Variants in IMPG1 observed in about 807,000 individuals in gnomAD.
IMPG1 encodes interphotoreceptor matrix proteoglycan of 150 kDa.
Under a neutral mutation model 92.0 loss-of-function variants are expected in IMPG1, and 85 were observed. That is an observed-to-expected ratio of 0.92 (90% confidence interval 0.78 to 1.11). The LOEUF (loss-of-function observed/expected upper bound fraction) is 1.11, where lower values mean the gene tolerates loss of function less well. Ranked by LOEUF, IMPG1 falls within the 50% of genes least tolerant of loss-of-function variation. The pLI is 0.00. For synonymous variants in IMPG1, 367 were observed against 334.1 expected, an observed-to-expected ratio of 1.10 and a Z score of -1.08; for missense variants, 1,022 against 956.0, an observed-to-expected ratio of 1.07 and a Z score of -0.91.
chr6:76,026,160 T>C (rs538609965), intron 4 of IMPG1, among the ~76,000 whole-genome samples: 6 of 152,164 alleles, frequency 3.9e-5, no homozygotes, highest in Non-Finnish European at 8.8e-5. Context: ...AGAGTCCCTA[T>C]TTTCCCCTTT....
At position 75,980,341 on chromosome 6, in the gene IMPG1, G is replaced by A. The variant is rs13218405; in HGVS notation, c.1291+22577C>T. Among the ~76,000 whole-genome samples the A allele has an allele frequency of 4.9e-3, 749 of 152,326 alleles. 10 individuals are homozygous for A. Among genetic ancestry groups the A allele is most frequent in the Middle Eastern group, 3.4e-3 (1 of 294 alleles). ...AAATGGCGTGTGCAAACACATGGAA[G>A]ACAGTAGGATATTAATAATATACAG... On this transcript the variant is annotated intron_variant, in intron 12 of 16. Coordinates refer to ENST00000369950, the MANE Select transcript of IMPG1 (RefSeq NM_001563.4).
rs371361445 is a variant in IMPG1, at chr6:76,025,322, T to C, written c.498-64A>G. 40 of 864,268 alleles carry C rather than the reference T, an allele frequency of 4.6e-5. No individual in the cohort carries two copies. In the African/African-American group the frequency reaches 5.1e-4, roughly 11 times the overall value. The allele number at this position is 864,268 out of a possible 1,614,324, so 53.5% of individuals were successfully genotyped here. A position where few individuals can be genotyped will look rare whatever the true frequency, so the allele number is the denominator to read the frequency against. On this transcript the variant is annotated intron_variant, in intron 4 of 16. Coordinates refer to ENST00000369950, the MANE Select transcript of IMPG1 (RefSeq NM_001563.4). ...GAGAACTTGATGACAGTAGAGAACA[T>C]ACATTTAAATTTCTTATACTGAGTA...
chr6:76,032,405 G>C (rs1000159384), intron 4 of IMPG1, among the ~76,000 whole-genome samples: 2 of 152,074 alleles, frequency 1.3e-5, no homozygotes, highest in Non-Finnish European at 2.9e-5. Context: ...TAATACTCTA[G>C]TACTAAGATT....
At chr6:75,998,718 G>C (rs542991633) in intron 12 of IMPG1, among the ~76,000 whole-genome samples, 1 of 152,100 alleles carries the variant, frequency 6.6e-6, no homozygotes, top group Admixed American at 6.6e-5. Flanking sequence ...ATGTATTGCC[G>C]CCTACACGTC....
intron 12 of IMPG1, among the ~76,000 whole-genome samples, chr6:75,954,760 G>A (rs547787802): frequency 6.6e-6 from 1 of 152,260 alleles, no homozygotes; most frequent in East Asian, 1.9e-4. Flanking sequence ...TTACATTTAA[G>A]TCTTTAATCC....
intron 1 of IMPG1, among the ~76,000 whole-genome samples, chr6:76,069,123 A>G (rs1264970052): frequency 1.3e-5 from 2 of 152,186 alleles, no homozygotes; most frequent in Non-Finnish European, 2.9e-5. Context: ...ACACTGGGGA[A>G]AGAAGACACT....
chr6:76,057,362 A>T (rs1784137023), intron 1 of IMPG1, among the ~76,000 whole-genome samples: 1 of 152,172 alleles, frequency 6.6e-6, no homozygotes. Flanking sequence ...GTGATGAGGC[A>T]TGTAGCAGTG....
intron 12 of IMPG1, among the ~76,000 whole-genome samples, chr6:75,975,373 G>C (rs1398076107): frequency 6.6e-6 from 1 of 152,172 alleles, no homozygotes; most frequent in Non-Finnish European, 1.5e-5. Flanking sequence ...ATGTAGTTTA[G>C]TTTGTCTCCG....
At chr6:75,976,618 A>C (rs1782538822) in intron 12 of IMPG1, among the ~76,000 whole-genome samples, 1 of 152,140 alleles carries the variant, frequency 6.6e-6, no homozygotes, top group South Asian at 2.1e-4. Flanking sequence ...CTGAGTGAAT[A>C]TTAGAATCCT....
At chr6:76,027,277 T>C (rs547461728) in intron 4 of IMPG1, among the ~76,000 whole-genome samples, 5 of 152,358 alleles carry the variant, frequency 3.3e-5, no homozygotes, top group Admixed American at 2.6e-4. Context: ...TTTTGAGAAC[T>C]GTCTGTCTTG....
intron 14 of IMPG1, among the ~76,000 whole-genome samples, chr6:75,941,820 C>G (rs1344992085): frequency 6.6e-6 from 1 of 152,192 alleles, no homozygotes; most frequent in Admixed American, 6.5e-5. Context: ...GTCATCCTAC[C>G]AATTCCCTTA....
At chr6:76,005,058 C>T (rs1220870686) in intron 10 of IMPG1, among the ~76,000 whole-genome samples, 2 of 152,134 alleles carry the variant, frequency 1.3e-5, no homozygotes, top group Non-Finnish European at 2.9e-5. Flanking sequence ...GAACTGAAAC[C>T]TTTGGATTCT....
chr6:75,931,158 G>T lies in IMPG1; in HGVS notation c.2045-7C>A. 6.2e-7 allele frequency: 1 copy of T among 1,607,228 alleles called. No homozygotes were observed. Among genetic ancestry groups the T allele is most frequent in the South Asian group, 1.1e-5 (1 of 89,984 alleles). ...CAGGGATCTGCTTGATCAGCTGTAA[G>T]AAATGGGGCAGATTTTAACGCATGT... is the stretch of plus-strand genomic sequence containing the variant. On this transcript the variant is annotated splice_polypyrimidine_tract_variant and splice_region_variant and intron_variant, in intron 14 of 16. Transcript: ENST00000369950.
chr6:75,966,353 G>A (rs1782307492), intron 12 of IMPG1, among the ~76,000 whole-genome samples: 2 of 152,042 alleles, frequency 1.3e-5, no homozygotes, highest in Admixed American at 1.3e-4. Flanking sequence ...TTGTTATTGT[G>A]GCAGTATTTA....
chr6:76,061,156 C>T (rs1175224141), intron 1 of IMPG1, among the ~76,000 whole-genome samples: 1 of 152,102 alleles, frequency 6.6e-6, no homozygotes, highest in Non-Finnish European at 1.5e-5. Flanking sequence ...TGACACAAGC[C>T]TAAAGGGGCC....
chr6:76,066,804 A>G (rs902923923), intron 1 of IMPG1, among the ~76,000 whole-genome samples: 3 of 152,178 alleles, frequency 2.0e-5, no homozygotes, highest in African/African-American at 7.2e-5. Flanking sequence ...GTCAGACCAC[A>G]AAACAAGAAT....
At chr6:76,035,511 AAAAAAAAAAAAAAG>A (rs1215063762) in intron 2 of IMPG1, among the ~76,000 whole-genome samples, 1 of 151,048 alleles carries the variant, frequency 6.6e-6, no homozygotes, top group African/African-American at 2.4e-5. Context: ...AAAAAAAAAA[AAAAAAAAAAAAAAG>A]AAAAATGTGG....
chr6:75,968,251 T>C (rs758985251), intron 12 of IMPG1, among the ~76,000 whole-genome samples: 1 of 152,238 alleles, frequency 6.6e-6, no homozygotes, highest in Non-Finnish European at 1.5e-5. Context: ...GTGTAAATCA[T>C]AATTACATGA....
intron 4 of IMPG1, among the ~76,000 whole-genome samples, chr6:76,029,392 T>TA (rs577859248): frequency 2.0e-4 from 31 of 152,370 alleles, no homozygotes; most frequent in African/African-American, 7.5e-4. Context: ...AGGCCAAGTT[T>TA]AAAACCAAAG....
Sources: allele counts gnomAD v4.1 joint callset (sites outside exome capture counted in the v4.1 genomes callset), GRCh38; gene constraint gnomAD v4.1.1; transcripts MANE v1.5; gene names NCBI Gene and HGNC (gene_info 2026-07-23, HGNC 2026-07-21).